The following CD38 variants were observed in gnomAD, a reference collection of about 807,000 sequenced individuals.
The protein encoded by CD38 is CD38 molecule.
In CD38, 31 loss-of-function variants were observed where a neutral mutation model predicts 36.3. That is an observed-to-expected ratio of 0.85 (90% CI 0.64 to 1.15). The LOEUF (loss-of-function observed/expected upper bound fraction) is 1.15, where lower values mean the gene tolerates loss of function less well. Ranked by LOEUF, CD38 falls within the 50% of genes most tolerant of loss-of-function variation. CD38 has a pLI of 0.00. For missense variants in CD38, 380 were observed against 371.9 expected (o/e 1.02, Z -0.18); for synonymous variants, 131 against 135.2 (o/e 0.97, Z 0.22).
intron 1 of CD38, among the ~76,000 whole-genome samples, chr4:15,800,018 G>A (rs1048671549): frequency 1.2e-4 from 18 of 151,832 alleles, no homozygotes; most frequent in Non-Finnish European, 1.8e-4. Flanking sequence ...AAGCAGACTC[G>A]GGGGGTATGC....
chr4:15,837,983 A>G, intron 4 of CD38, 109 bp from the exon 5 acceptor site: 1 of 833,368 alleles, frequency 1.2e-6, no homozygotes. Flanking sequence ...CTAAAACCAT[A>G]TGGGATATCC....
Position 15,852,577 on chromosome 4 carries a change from A to G in CD38, c.*3975A>G, listed in dbSNP as rs1387098566. ...ATACTGTATAACTTTAAGTCATTTT[A>G]TCAACACATTGCTAATCCAGATATT... is the stretch of plus-strand genomic sequence containing the variant. On this transcript the variant is annotated 3_prime_UTR_variant, in exon 8 of 8. Coordinates refer to ENST00000226279, the MANE Select transcript of CD38 (RefSeq NM_001775.4). 1.3e-5 allele frequency: 2 copies of G among 152,232 alleles called. No homozygotes were observed. Among genetic ancestry groups the G allele is most frequent in the Non-Finnish European group, 2.9e-5 (2 of 68,050 alleles). 9.4% of individuals were successfully genotyped at this position (152,232 alleles called of 1,614,324 possible).
intron 1 of CD38, among the ~76,000 whole-genome samples, chr4:15,800,311 G>A (rs73131158): frequency 6.6e-6 from 1 of 151,946 alleles, no homozygotes; most frequent in Non-Finnish European, 1.5e-5. Flanking sequence ...TCTCTTGAGT[G>A]AACACCCAGA....
chr4:15,827,748 C>T (rs139552943), intron 3 of CD38, among the ~76,000 whole-genome samples: 2 of 152,096 alleles, frequency 1.3e-5, no homozygotes, highest in East Asian at 1.9e-4. Flanking sequence ...GATTTATTTA[C>T]AGTTCAGAGT....
chr4:15,834,355 C>T (rs923354372), intron 4 of CD38, 53 bp downstream of exon 4: 30 of 1,069,756 alleles, frequency 2.8e-5, no homozygotes, highest in East Asian at 1.6e-4. Context: ...GAACTTAAGA[C>T]GTTACTCAGT....
At position 15,848,670 on chromosome 4, in the gene CD38, T is replaced by C. The variant is rs1304010673; in HGVS notation, c.*68T>C. ...TTATGTCATCATACATGACTCAGCA[T>C]ACCTGCTGGTGCAGAGCTGAAGATT... On this transcript the variant is annotated 3_prime_UTR_variant, in exon 8 of 8. Coordinates refer to ENST00000226279, the MANE Select transcript of CD38 (RefSeq NM_001775.4). 1 of 1,294,050 alleles carries C rather than the reference T, an allele frequency of 7.7e-7. No individual in the cohort carries two copies. Among genetic ancestry groups the C allele is most frequent in the Non-Finnish European group, 1.1e-6 (1 of 891,632 alleles). 80.2% of individuals were successfully genotyped at this position (1,294,050 alleles called of 1,614,324 possible). A position where few individuals can be genotyped will look rare whatever the true frequency, so the allele number is the denominator to read the frequency against.
In CD38 at chr4:15,778,758, C is replaced by A; in HGVS notation, c.233+111C>A. ...CCGGGCATCTTCCGTGGCGGGTCAG[C>A]CGAGAGCCCGCCGGGTGGTGCTGAG... On this transcript the variant is annotated intron_variant, in intron 1 of 7. Coordinates refer to ENST00000226279, the MANE Select transcript of CD38 (RefSeq NM_001775.4). The surrounding 1 kb of genome is among the most constrained non-coding windows in gnomAD (Gnocchi z 4.9). The A allele has an allele frequency of 1.3e-6, 1 of 749,928 alleles. No individual in the cohort carries two copies. The highest frequency in any genetic ancestry group is 2.2e-6 in the Non-Finnish European group (1 of 461,672). The allele number at this position is 749,928 out of a possible 1,614,324, so 46.5% of individuals were successfully genotyped here.
At chr4:15,793,097 T>C (rs1238345119) in intron 1 of CD38, among the ~76,000 whole-genome samples, 1 of 152,102 alleles carries the variant, frequency 6.6e-6, no homozygotes, top group Non-Finnish European at 1.5e-5. Flanking sequence ...GACTGACAGC[T>C]TGGCCAATCA....
intron 1 of CD38, among the ~76,000 whole-genome samples, chr4:15,814,805 G>GT (rs1560313670): frequency 1.4e-5 from 2 of 147,598 alleles, no homozygotes; most frequent in South Asian, 2.1e-4. Context: ...TTTGTTTTTT[G>GT]TTTTTTGTTT....
intron 1 of CD38, among the ~76,000 whole-genome samples, chr4:15,779,412 TA>T (rs1477272246): frequency 6.6e-6 from 1 of 152,154 alleles, no homozygotes; most frequent in Non-Finnish European, 1.5e-5. Context: ...TAACCTCTCC[TA>T]AAGGGAACAA....
At chr4:15,801,475 A>C (rs1359514591) in intron 1 of CD38, among the ~76,000 whole-genome samples, 1 of 152,096 alleles carries the variant, frequency 6.6e-6, no homozygotes, top group East Asian at 1.9e-4. Context: ...AAACCAGACA[A>C]GGATACAACA....
chr4:15,788,389 T>C (rs543975031), intron 1 of CD38, among the ~76,000 whole-genome samples: 5 of 152,284 alleles, frequency 3.3e-5, no homozygotes, highest in African/African-American at 1.2e-4. Context: ...ACCTGACACG[T>C]TATCCGCCCC....
intron 1 of CD38, among the ~76,000 whole-genome samples, chr4:15,787,044 C>T (rs1158076779): frequency 1.3e-5 from 2 of 152,218 alleles, no homozygotes; most frequent in Admixed American, 6.5e-5. Context: ...GCCTGGGGAG[C>T]CCACGCCCAC....
chr4:15,826,301 C>T (rs953607579), intron 3 of CD38, among the ~76,000 whole-genome samples: 5 of 151,992 alleles, frequency 3.3e-5, no homozygotes, highest in Admixed American at 6.6e-5. Context: ...AATGTACACG[C>T]GCTGTTGTGC....
At chr4:15,822,697 T>G (rs941175966) in intron 2 of CD38, among the ~76,000 whole-genome samples, 4 of 152,118 alleles carry the variant, frequency 2.6e-5, no homozygotes, top group African/African-American at 9.7e-5. Flanking sequence ...CACAAACAAA[T>G]AGAAAAACAT....
At chr4:15,784,905 A>T (rs1313473423) in intron 1 of CD38, among the ~76,000 whole-genome samples, 1 of 152,006 alleles carries the variant, frequency 6.6e-6, no homozygotes, top group Non-Finnish European at 1.5e-5. Context: ...AAAATACAAA[A>T]ATTAGCCGGG....
chr4:15,780,518 TCACACACACACACACA>T lies in CD38; in HGVS notation c.233+1906_233+1921del, dbSNP rs59324393. On this transcript the variant is annotated intron_variant, in intron 1 of 7. Coordinates refer to ENST00000226279, the MANE Select transcript of CD38 (RefSeq NM_001775.4). The stretch of plus-strand genomic sequence containing the variant: ...TATATTTTAGATAATATTCTCTCTC[TCACACACACACACACA>T]CACACACACACACACACACACACAC... Among the ~76,000 whole-genome samples, 13 of 140,116 alleles carry T rather than the reference TCACACACACACACACA, an allele frequency of 9.3e-5. No individual in the cohort carries two copies. The South Asian group carries it at 9.3e-4, about 10-fold the overall frequency. The allele number at this position is 140,116 out of a possible 152,430, so 91.9% of individuals were successfully genotyped here.
At chr4:15,817,202 C>T (rs1394513592) in intron 2 of CD38, among the ~76,000 whole-genome samples, 1 of 152,210 alleles carries the variant, frequency 6.6e-6, no homozygotes, top group African/African-American at 2.4e-5. Flanking sequence ...GTTTGACAGG[C>T]TTCAAAGTGA....
chr4:15,784,667 GT>G (rs1255635254), intron 1 of CD38, among the ~76,000 whole-genome samples: 5 of 152,170 alleles, frequency 3.3e-5, no homozygotes, highest in African/African-American at 1.2e-4. Flanking sequence ...ATTCAGTAGA[GT>G]GCTGGAAAGC....
Sources: allele counts gnomAD v4.1 joint callset (sites outside exome capture counted in the v4.1 genomes callset), GRCh38; gene constraint gnomAD v4.1.1; non-coding constraint Gnocchi (gnomAD v3.1); transcripts MANE v1.5; gene names NCBI Gene and HGNC (gene_info 2026-07-23, HGNC 2026-07-21).